GPHN: variants seen among roughly 807,000 people sequenced by gnomAD.
GPHN encodes gephyrin.
GPHN carries 17 observed loss-of-function variants against 95.5 expected under a neutral mutation model. The ratio of observed to expected loss-of-function variants is 0.18; its 90% CI spans 0.12 to 0.27. The LOEUF (loss-of-function observed/expected upper bound fraction) is 0.27. Ranked by LOEUF, GPHN falls within the 10% of genes least tolerant of loss-of-function variation. GPHN has a pLI of 1.00. For missense variants in GPHN, 660 were observed against 978.1 expected, an observed-to-expected ratio of 0.67 and a Z score of 4.34; for synonymous variants, 320 against 322.5, an observed-to-expected ratio of 0.99 and a Z score of 0.08.
At chr14:67,719,081 T>G in the GPHN span, among the ~76,000 whole-genome samples, 1 of 152,228 alleles carries the variant, frequency 6.6e-6, no homozygotes, top group Admixed American at 6.5e-5. Context: ...TAAGACTGTT[T>G]AGGAGAAGGA....
the GPHN span, among the ~76,000 whole-genome samples, chr14:67,676,362 T>C: frequency 6.6e-6 from 1 of 152,290 alleles, no homozygotes; most frequent in Non-Finnish European, 1.5e-5. Context: ...GGATAGTCAG[T>C]ATACTGTGTA....
chr14:67,548,826 C>T, the GPHN span, among the ~76,000 whole-genome samples: 5 of 152,216 alleles, frequency 3.3e-5, no homozygotes, highest in South Asian at 2.1e-4. Context: ...CTGTCACAAT[C>T]GCTTGCCAGT....
the GPHN span, among the ~76,000 whole-genome samples, chr14:67,235,656 A>C: frequency 6.6e-6 from 1 of 152,082 alleles, no homozygotes; most frequent in Non-Finnish European, 1.5e-5. Flanking sequence ...CAGAGCTCGC[A>C]GTGAGTCGAG....
chr14:67,316,494 C>T, the GPHN span, among the ~76,000 whole-genome samples: 1 of 152,108 alleles, frequency 6.6e-6, no homozygotes, highest in African/African-American at 2.4e-5. Context: ...TGAGATAATT[C>T]TAAAGGACCT....
the GPHN span, among the ~76,000 whole-genome samples, chr14:67,206,238 T>C: frequency 2.6e-5 from 4 of 151,932 alleles, no homozygotes; most frequent in Non-Finnish European, 5.9e-5. Context: ...GTGGCTCATG[T>C]CTGTAATCCC....
At chr14:66,557,241 A>G (rs778713672) in intron 1 of GPHN, among the ~76,000 whole-genome samples, 341 of 91,578 alleles carry the variant, frequency 3.7e-3, no homozygotes, top group African/African-American at 7.9e-3. Context: ...AGGTAGGTAG[A>G]TAGATAGATA....
chr14:66,741,236 A>G (rs1366892578), intron 2 of GPHN, among the ~76,000 whole-genome samples: 1 of 152,194 alleles, frequency 6.6e-6, no homozygotes, highest in Non-Finnish European at 1.5e-5. Context: ...TGCTTATTCA[A>G]TATGTGTAAG....
intron 8 of GPHN, among the ~76,000 whole-genome samples, chr14:66,954,135 A>G (rs1295948740): frequency 4.0e-5 from 6 of 151,848 alleles, no homozygotes; most frequent in Non-Finnish European, 5.9e-5. Flanking sequence ...TTGAGATTCC[A>G]TATGAATTTC....
At chr14:67,574,593 GA>G in the GPHN span, among the ~76,000 whole-genome samples, 2 of 152,214 alleles carry the variant, frequency 1.3e-5, no homozygotes, top group Non-Finnish European at 2.9e-5. This position sits in a 1 kb window ranked among gnomAD's most constrained non-coding sequence, Gnocchi z 4.2. Flanking sequence ...TGATTCCCCG[GA>G]AACAAATCAG....
rs375826790 is a variant in GPHN at position 66,681,254 on chromosome 14, A to G, written c.143+69A>G. ...TTATTAGTGTTCCTTTTCTCAAAAGAGTTTTATGTGAAAACTTATTTAAGG... is the reference window on the plus strand; with the variant it reads ...TTATTAGTGTTCCTTTTCTCAAAAGGGTTTTATGTGAAAACTTATTTAAGG... On this transcript the variant is annotated intron_variant, in intron 2 of 22. Transcript: ENST00000478722. 5.1e-6 allele frequency: 5 copies of G among 989,446 alleles called. No individual in the cohort carries two copies. In the East Asian group the frequency reaches 7.6e-5, roughly 15 times the overall value. The allele number at this position is 989,446 out of a possible 1,614,324, so 61.3% of individuals were successfully genotyped here.
At chr14:67,478,578 G>A in the GPHN span, among the ~76,000 whole-genome samples, 1 of 152,166 alleles carries the variant, frequency 6.6e-6, no homozygotes, top group Admixed American at 6.6e-5. Flanking sequence ...GCCCATGAGT[G>A]GATCTTCAAC....
the GPHN span, among the ~76,000 whole-genome samples, chr14:67,548,422 G>A: frequency 6.6e-6 from 1 of 152,312 alleles, no homozygotes; most frequent in East Asian, 1.9e-4. Context: ...AATAGGCCAG[G>A]AGTGGTGGCT....
the GPHN span, among the ~76,000 whole-genome samples, chr14:67,352,177 T>C: frequency 6.6e-6 from 1 of 151,954 alleles, no homozygotes; most frequent in Admixed American, 6.6e-5. Flanking sequence ...TTTTGTTAAG[T>C]ACGTACAGGT....
At chr14:66,655,880 T>C (rs2065277682) in intron 1 of GPHN, among the ~76,000 whole-genome samples, 1 of 152,186 alleles carries the variant, frequency 6.6e-6, no homozygotes, top group Non-Finnish European at 1.5e-5. Context: ...TTCAAACTGT[T>C]AATATGATGT....
At chr14:66,911,366 A>G (rs2065666865) in intron 5 of GPHN, among the ~76,000 whole-genome samples, 1 of 151,972 alleles carries the variant, frequency 6.6e-6, no homozygotes, top group Non-Finnish European at 1.5e-5. Context: ...TACAACTCTG[A>G]GAATATACTT....
chr14:66,906,252 T>C (rs1385133332), intron 5 of GPHN, among the ~76,000 whole-genome samples: 3 of 152,004 alleles, frequency 2.0e-5, no homozygotes, highest in African/African-American at 7.3e-5. Flanking sequence ...ATGAGCAGAG[T>C]TTCCAGGGTC....
At chr14:67,643,882 A>G in the GPHN span, among the ~76,000 whole-genome samples, 2 of 124,130 alleles carry the variant, frequency 1.6e-5, no homozygotes, top group Admixed American at 8.6e-5. Flanking sequence ...AAAAAAAAAA[A>G]GACTCAGGTT....
intron 1 of GPHN, among the ~76,000 whole-genome samples, chr14:66,569,110 T>TA (rs1214376733): frequency 6.6e-6 from 1 of 152,184 alleles, no homozygotes; most frequent in Non-Finnish European, 1.5e-5. Flanking sequence ...ATTACCTGTT[T>TA]AAATACTTCT....
At chr14:67,149,082 G>A (rs970171040) in intron 18 of GPHN, among the ~76,000 whole-genome samples, 5 of 151,976 alleles carry the variant, frequency 3.3e-5, no homozygotes, top group Admixed American at 6.6e-5. Context: ...TGTGGCTCAC[G>A]CCTGTAATCC....
Sources: allele counts gnomAD v4.1 joint callset (sites outside exome capture counted in the v4.1 genomes callset), GRCh38; gene constraint gnomAD v4.1.1; non-coding constraint Gnocchi (gnomAD v3.1); transcripts MANE v1.5; gene names NCBI Gene and HGNC (gene_info 2026-07-23, HGNC 2026-07-21).